CRACDL: variants seen among roughly 807,000 people sequenced by gnomAD.
The protein encoded by CRACDL is CRACD like.
CRACDL carries 26 observed loss-of-function variants against 70.6 expected under a neutral mutation model. The ratio of observed to expected loss-of-function variants is 0.37; its 90% CI spans 0.27 to 0.51. The LOEUF (loss-of-function observed/expected upper bound fraction) is 0.51. Among genes scored for constraint, CRACDL ranks in the 20% least tolerant of loss-of-function variants. CRACDL has a pLI of 0.94. For missense variants in CRACDL, 1,283 were observed against 1,376.9 expected (o/e 0.93, Z 1.08); for synonymous variants, 618 against 615.2 (o/e 1.00, Z -0.07).
intron 1 of CRACDL, among the ~76,000 whole-genome samples, chr2:98,886,517 G>A (rs140902838): frequency 6.6e-6 from 1 of 152,332 alleles, no homozygotes; most frequent in East Asian, 1.9e-4. Flanking sequence ...TTGAGATTCT[G>A]CACAAATAGG....
chr2:98,901,148 C>T (rs535395894), intron 1 of CRACDL, among the ~76,000 whole-genome samples: 6 of 152,334 alleles, frequency 3.9e-5, no homozygotes, highest in African/African-American at 1.4e-4. Context: ...TCTGCAACCC[C>T]TCTCATCTGT....
intron 5 of CRACDL, 93 bp from the exon 6 acceptor site, chr2:98,827,262 G>C (rs1266074330): frequency 7.1e-6 from 6 of 844,398 alleles, no homozygotes; most frequent in Non-Finnish European, 1.2e-5. Context: ...TGCCCAGGCT[G>C]TCTTCCCACA....
At chr2:98,921,235 T>G (rs1216372216) in intron 1 of CRACDL, among the ~76,000 whole-genome samples, 1 of 152,180 alleles carries the variant, frequency 6.6e-6, no homozygotes, top group Non-Finnish European at 1.5e-5. Flanking sequence ...CTGCAAAGCT[T>G]GTTAAGCCCC....
At chr2:98,928,479 C>A (rs1708989876) in intron 1 of CRACDL, among the ~76,000 whole-genome samples, 1 of 152,138 alleles carries the variant, frequency 6.6e-6, no homozygotes, top group African/African-American at 2.4e-5. Context: ...CTGTTCAGAG[C>A]CCCAGACAGC....
chr2:98,857,528 C>T (rs553259537), intron 1 of CRACDL, among the ~76,000 whole-genome samples: 16 of 151,726 alleles, frequency 1.1e-4, no homozygotes, highest in African/African-American at 3.1e-4. Context: ...TATTATAAGG[C>T]CTAGATCAGC....
At chr2:98,842,829 C>A (rs1285307138) in intron 2 of CRACDL, among the ~76,000 whole-genome samples, 1 of 150,884 alleles carries the variant, frequency 6.6e-6, no homozygotes, top group African/African-American at 2.4e-5. Context: ...CATCTGGGTT[C>A]TTTTCAGTTT....
chr2:98,828,077 T>G (rs1425785375), intron 5 of CRACDL, among the ~76,000 whole-genome samples: 1 of 152,196 alleles, frequency 6.6e-6, no homozygotes, highest in Admixed American at 6.5e-5. Flanking sequence ...ATGGCAAACA[T>G]GTCACCTGGG....
chr2:98,903,514 G>A (rs1032386475), intron 1 of CRACDL, among the ~76,000 whole-genome samples: 4 of 152,110 alleles, frequency 2.6e-5, no homozygotes, highest in East Asian at 1.9e-4. Context: ...GCATAAGAGC[G>A]GACATCGTCT....
At chr2:98,905,806 A>G (rs60745907) in intron 1 of CRACDL, among the ~76,000 whole-genome samples, 1,576 of 152,212 alleles carry the variant, frequency 0.01, 34 homozygotes, top group East Asian at 0.075. Flanking sequence ...TAGTAGAGAC[A>G]GGGTTTCGCC....
intron 2 of CRACDL, among the ~76,000 whole-genome samples, chr2:98,843,592 C>T (rs1706127203): frequency 1.3e-5 from 2 of 152,014 alleles, no homozygotes; most frequent in African/African-American, 4.8e-5. Context: ...TATGAATGTC[C>T]AATTGTTACA....
At chr2:98,839,615 T>G (rs1486046359) in intron 2 of CRACDL, among the ~76,000 whole-genome samples, 1 of 152,228 alleles carries the variant, frequency 6.6e-6, no homozygotes, top group African/African-American at 2.4e-5. Context: ...GCTGTACACC[T>G]TTGTTCCACT....
intron 7 of CRACDL, among the ~76,000 whole-genome samples, chr2:98,804,165 C>G (rs1386091957): frequency 6.6e-6 from 1 of 152,180 alleles, no homozygotes; most frequent in Non-Finnish European, 1.5e-5. Context: ...AATGCTCAAC[C>G]AAGTCTTCTT....
intron 5 of CRACDL, among the ~76,000 whole-genome samples, chr2:98,829,601 CTG>C (rs1451210777): frequency 2.0e-5 from 3 of 152,134 alleles, no homozygotes; most frequent in Non-Finnish European, 4.4e-5. Flanking sequence ...TTCCTAAAAT[CTG>C]TGATTCTGGA....
chr2:98,935,660 T>C (rs549023760), intron 1 of CRACDL, among the ~76,000 whole-genome samples: 2 of 152,290 alleles, frequency 1.3e-5, no homozygotes, highest in Admixed American at 1.3e-4. Context: ...AACTGCTGGA[T>C]TTGCCTCACA....
chr2:98,795,168 C>T (rs1184297402), intron 9 of CRACDL, among the ~76,000 whole-genome samples: 5 of 147,620 alleles, frequency 3.4e-5, no homozygotes, highest in South Asian at 2.2e-4. Context: ...CTCTGCCTCC[C>T]GGGTTCAAGC....
chr2:98,910,804 T>C (rs1708529474), intron 1 of CRACDL, among the ~76,000 whole-genome samples: 1 of 152,194 alleles, frequency 6.6e-6, no homozygotes, highest in African/African-American at 2.4e-5. Flanking sequence ...CAGGGCCCAT[T>C]TCCTTTTCTG....
At chr2:98,843,113 C>T (rs1322383305) in intron 2 of CRACDL, among the ~76,000 whole-genome samples, 1 of 152,124 alleles carries the variant, frequency 6.6e-6, no homozygotes, top group African/African-American at 2.4e-5. Flanking sequence ...CCTGGTATCT[C>T]ATTGCAGTTT....
chr2:98,865,966 G>A (rs1004716426), intron 1 of CRACDL, among the ~76,000 whole-genome samples: 31 of 151,934 alleles, frequency 2.0e-4, no homozygotes, highest in African/African-American at 7.5e-4. Flanking sequence ...GACCTCAGGT[G>A]ATCCACTCAC....
At chr2:98,888,475 A>G (rs1394609231) in intron 1 of CRACDL, among the ~76,000 whole-genome samples, 3 of 152,224 alleles carry the variant, frequency 2.0e-5, no homozygotes, top group Non-Finnish European at 4.4e-5. Flanking sequence ...TTAAGATGCA[A>G]TCTGAAACCC....
Sources: gnomAD v4.1 joint callset for allele counts (sites outside exome capture counted in the v4.1 genomes callset) on GRCh38, gnomAD v4.1.1 for gene constraint, MANE v1.5 for transcripts, NCBI Gene and HGNC (gene_info 2026-07-23, HGNC 2026-07-21) for gene names.